SEMA5A: variants seen among roughly 807,000 people sequenced by gnomAD.
The protein encoded by SEMA5A is semaphorin-5A.
A neutral mutation model predicts 135.5 loss-of-function variants in SEMA5A; 55 were observed. That is an observed-to-expected ratio of 0.41 (90% CI 0.33 to 0.51). The LOEUF (loss-of-function observed/expected upper bound fraction) is 0.51. Ranked by LOEUF, SEMA5A falls within the 20% of genes least tolerant of loss-of-function variation. The pLI is 0.37. For synonymous variants in SEMA5A, 580 were observed against 546.5 expected, an observed-to-expected ratio of 1.06 and a Z score of -0.85; for missense variants, 1,290 against 1,419.9, an observed-to-expected ratio of 0.91 and a Z score of 1.47.
intron 1 of SEMA5A, among the ~76,000 whole-genome samples, chr5:9,544,806 G>T (rs1738291222): frequency 1.3e-5 from 2 of 152,226 alleles, no homozygotes; most frequent in Admixed American, 1.3e-4. Context: ...GCCAGGCACC[G>T]GCCGCCGCGG....
intron 7 of SEMA5A, 100 bp from the exon 8 acceptor site, chr5:9,224,987 C>T: frequency 8.7e-7 from 1 of 1,156,030 alleles, no homozygotes; most frequent in Non-Finnish European, 1.2e-6. Flanking sequence ...GCTTGTGCAA[C>T]AGCCTCTCGG....
At chr5:9,421,862 T>C (rs1252837288) in intron 2 of SEMA5A, among the ~76,000 whole-genome samples, 1 of 152,228 alleles carries the variant, frequency 6.6e-6, no homozygotes, top group Non-Finnish European at 1.5e-5. Flanking sequence ...TGCTTGAATT[T>C]TTCTCATCAA....
chr5:9,346,784 T>G (rs548199107), intron 3 of SEMA5A, among the ~76,000 whole-genome samples: 1 of 152,158 alleles, frequency 6.6e-6, no homozygotes, highest in East Asian at 1.9e-4. Flanking sequence ...GCTGAGTAAA[T>G]GAGGCATCCC....
intron 16 of SEMA5A, among the ~76,000 whole-genome samples, chr5:9,087,329 A>AATG (rs1738753068): frequency 6.6e-6 from 1 of 152,196 alleles, no homozygotes; most frequent in Non-Finnish European, 1.5e-5. Flanking sequence ...AACATATGGC[A>AATG]ATGATATAAA....
chr5:9,221,974 C>T (rs558741134), intron 8 of SEMA5A, among the ~76,000 whole-genome samples: 1 of 152,232 alleles, frequency 6.6e-6, no homozygotes, highest in South Asian at 2.1e-4. Context: ...GAGGCTCCAC[C>T]TTTTCTGTTG....
At chr5:9,510,025 A>C (rs1252098747) in intron 1 of SEMA5A, among the ~76,000 whole-genome samples, 3 of 152,234 alleles carry the variant, frequency 2.0e-5, no homozygotes, top group Non-Finnish European at 4.4e-5. Context: ...TAGAATGTCT[A>C]GGGAAGGACT....
At chr5:9,428,088 GTATATA>G (rs10536071) in intron 2 of SEMA5A, among the ~76,000 whole-genome samples, 23,641 of 145,278 alleles carry the variant, frequency 0.16, 2,078 homozygotes, top group African/African-American at 0.17. Flanking sequence ...ATATGTGTGT[GTATATA>G]TATATATATA....
At chr5:9,124,571 C>T (rs1178339890) in intron 13 of SEMA5A, among the ~76,000 whole-genome samples, 1 of 152,166 alleles carries the variant, frequency 6.6e-6, no homozygotes, top group African/African-American at 2.4e-5. Flanking sequence ...ATTCTCATGC[C>T]TCAGCCTCCT....
At chr5:9,457,923 T>C (rs1458725649) in intron 1 of SEMA5A, among the ~76,000 whole-genome samples, 1 of 143,798 alleles carries the variant, frequency 7.0e-6, no homozygotes, top group Non-Finnish European at 1.5e-5. Context: ...TTTTTTTTTT[T>C]TTGAGACAGA....
intron 1 of SEMA5A, among the ~76,000 whole-genome samples, chr5:9,543,816 C>T (rs563409186): frequency 4.9e-5 from 7 of 142,026 alleles, no homozygotes; most frequent in Non-Finnish European, 9.0e-5. Context: ...AACAATTACA[C>T]TTAGGGCTGT....
chr5:9,510,102 A>G (rs1388952713), intron 1 of SEMA5A, among the ~76,000 whole-genome samples: 1 of 152,200 alleles, frequency 6.6e-6, no homozygotes, highest in Non-Finnish European at 1.5e-5. Context: ...TCTGGAAAGA[A>G]CATTAAAAGA....
chr5:9,346,365 G>A (rs1245036032), intron 3 of SEMA5A, among the ~76,000 whole-genome samples: 1 of 151,980 alleles, frequency 6.6e-6, no homozygotes, highest in East Asian at 1.9e-4. Flanking sequence ...CCACCCTTCA[G>A]TTCGCTCATG....
At chr5:9,539,833 C>A (rs1396161726) in intron 1 of SEMA5A, among the ~76,000 whole-genome samples, 1 of 152,184 alleles carries the variant, frequency 6.6e-6, no homozygotes, top group Non-Finnish European at 1.5e-5. Flanking sequence ...GTCGTCAATT[C>A]ATTTAACAAG....
intron 16 of SEMA5A, among the ~76,000 whole-genome samples, chr5:9,068,184 T>C (rs1737578734): frequency 6.6e-6 from 1 of 152,206 alleles, no homozygotes. Flanking sequence ...GATTGTTTCT[T>C]CTGTGATCTG....
At chr5:9,208,722 G>A (rs1746184094) in intron 8 of SEMA5A, among the ~76,000 whole-genome samples, 1 of 152,176 alleles carries the variant, frequency 6.6e-6, no homozygotes, top group South Asian at 2.1e-4. Context: ...TGGAAAGCCA[G>A]GCAAAGCCAG....
In SEMA5A at chr5:9,384,713, T is replaced by TAGATAGATAGAC. The variant is rs1398018087; in HGVS notation, c.-77-4691_-77-4690insGTCTATCTATCT. ...ATAGATAGATAGATAGATAGATAGA[T>TAGATAGATAGAC]AGACAGACAGACAGACAGACAGACA... is the stretch of plus-strand genomic sequence containing the variant. On this transcript the variant is annotated intron_variant, in intron 2 of 22. Coordinates refer to ENST00000382496, the MANE Select transcript of SEMA5A (RefSeq NM_003966.3). Among the ~76,000 whole-genome samples the TAGATAGATAGAC allele has an allele frequency of 1.2e-4, 12 of 100,864 alleles. 1 individual carries two copies. The highest frequency in any genetic ancestry group is 9.5e-4 in the South Asian group (3 of 3,148). The allele number at this position is 100,864 out of a possible 152,430, so 66.2% of individuals were successfully genotyped here.
chr5:9,381,969 TGTGTGTGTGTGTGCGCGCGC>T (rs1204218055), intron 2 of SEMA5A, among the ~76,000 whole-genome samples: 18 of 130,346 alleles, frequency 1.4e-4, no homozygotes, highest in Non-Finnish European at 2.8e-4. Context: ...TGTGTGTGTG[TGTGTGTGTGTGTGCGCGCGC>T]GCGCACATCA....
At chr5:9,303,365 C>T (rs557325379) in intron 5 of SEMA5A, among the ~76,000 whole-genome samples, 113 of 152,204 alleles carry the variant, frequency 7.4e-4, no homozygotes, top group African/African-American at 2.5e-3. Flanking sequence ...ATCCACCTGC[C>T]TCGGCCTCCC....
chr5:9,276,332 A>T (rs1750259520), intron 5 of SEMA5A, among the ~76,000 whole-genome samples: 1 of 152,230 alleles, frequency 6.6e-6, no homozygotes, highest in Non-Finnish European at 1.5e-5. Context: ...ATGGAAAAAC[A>T]TTCCATGCTC....
Sources: allele counts gnomAD v4.1 joint callset (sites outside exome capture counted in the v4.1 genomes callset), GRCh38; gene constraint gnomAD v4.1.1; transcripts MANE v1.5; gene names NCBI Gene and HGNC (gene_info 2026-07-23, HGNC 2026-07-21).